Variants in SETBP1 observed in about 807,000 individuals in gnomAD.
SETBP1 encodes SET-binding protein.
In SETBP1, 9 loss-of-function variants were observed where a neutral mutation model predicts 101.0. The observed-to-expected ratio is 0.09, with a 90% CI of 0.05 to 0.16. The LOEUF (loss-of-function observed/expected upper bound fraction) is 0.16. Ranked by LOEUF, SETBP1 falls within the 10% of genes least tolerant of loss-of-function variation. The pLI, the probability that SETBP1 is intolerant of heterozygous loss-of-function variation, is 1.00. For missense variants in SETBP1, 1,858 were observed against 2,033.8 expected, an observed-to-expected ratio of 0.91 and a Z score of 1.66; for synonymous variants, 818 against 788.5, an observed-to-expected ratio of 1.04 and a Z score of -0.63.
In SETBP1 at chr18:44,980,721, A is replaced by G. The variant is rs551255749; in HGVS notation, c.4000+27381A>G. 2.6e-5 allele frequency among the ~76,000 whole-genome samples: 4 copies of G among 152,294 alleles called. No homozygotes were observed. The East Asian group carries it at 7.7e-4, about 29-fold the overall frequency. ...GGTGCAGGCCTCCAGCAGGAAGACA[A>G]GAGCCCATCCCTGCTGCCAGTTTCA... On this transcript the variant is annotated intron_variant, in intron 4 of 5. Coordinates refer to ENST00000649279, the MANE Select transcript of SETBP1 (RefSeq NM_015559.3).
chr18:44,950,538 G>T lies in SETBP1; in HGVS notation c.1198G>T (p.Val400Phe). Reference protein sequence around the residue: ...ASNPENDSSHVRITIPIKAPS... With the variant: ...ASNPENDSSHFRITIPIKAPS... ...TAATCCTGAAAATGACTCAAGTCAT[G>T]TCCGGATTACTATCCCCATCAAGGC... Residue 400 changes from valine to phenylalanine, a missense_variant, in exon 4 of 6, where the codon GTC (valine) becomes TTC (phenylalanine). By Grantham distance (50) the Val-to-Phe change is conservative. This residue lies in a region of SETBP1 where 581 missense variants were observed against 535.1 expected (regional missense o/e 1.09). Coordinates refer to ENST00000649279, the MANE Select transcript of SETBP1 (RefSeq NM_015559.3). 6.2e-7 allele frequency: 1 copy of T among 1,614,060 alleles called. No individual in the cohort carries two copies. The highest frequency in any genetic ancestry group is 8.5e-7 in the Non-Finnish European group (1 of 1,180,030).
At chr18:44,937,454 C>CAAAAAAAAAAAAAAAAAAAAAAAA (rs34414710) in intron 3 of SETBP1, among the ~76,000 whole-genome samples, 1 of 83,394 alleles carries the variant, frequency 1.2e-5, no homozygotes, top group African/African-American at 4.8e-5. Context: ...GACTCCGTCT[C>CAAAAAAAAAAAAAAAAAAAAAAAA]AAAAAAAAAA....
chr18:45,063,438 G>A lies in SETBP1; in HGVS notation c.4531G>A (p.Ala1511Thr). ...SQDTIMATIE[A>T]VIHMAREAPP... is the part of the protein sequence containing the mutation. The stretch of plus-strand genomic sequence containing the variant: ...AGACACCATCATGGCCACCATCGAG[G>A]CGGTCATCCACATGGCCCGGGAGGC... Residue 1511 changes from alanine (A) to threonine (T), a missense_variant, in exon 6 of 6, where the codon GCG (alanine) becomes ACG (threonine). By Grantham distance (58) the Ala-to-Thr change is moderately conservative (BLOSUM62 0). This residue lies in a region of SETBP1 where 178 missense variants were observed against 189.1 expected (regional missense o/e 0.94). Coordinates refer to ENST00000649279, the MANE Select transcript of SETBP1 (RefSeq NM_015559.3). The A allele has an allele frequency of 1.3e-6, 2 of 1,500,330 alleles. No homozygotes were observed. Among genetic ancestry groups the A allele is most frequent in the Non-Finnish European group, 1.8e-6 (2 of 1,125,006 alleles). The allele number at this position is 1,500,330 out of a possible 1,614,324, so 92.9% of individuals were successfully genotyped here.
chr18:44,763,364 G>A (rs1273901031), intron 2 of SETBP1, among the ~76,000 whole-genome samples: 6 of 152,296 alleles, frequency 3.9e-5, no homozygotes, highest in Admixed American at 3.3e-4. Flanking sequence ...ATTCAAATTC[G>A]TGTCCCGGTG....
intron 2 of SETBP1, among the ~76,000 whole-genome samples, chr18:44,861,214 T>G: frequency 6.7e-6 from 1 of 149,426 alleles, no homozygotes; most frequent in African/African-American, 2.5e-5. Flanking sequence ...GTCTTGTGGA[T>G]TTCCTTTTTC....
intron 3 of SETBP1, among the ~76,000 whole-genome samples, chr18:44,917,897 G>A (rs78263984): frequency 0.46 from 69,359 of 151,400 alleles, 16,266 homozygotes; most frequent in Middle Eastern, 0.51. Flanking sequence ...GGAAATAGAA[G>A]GGGAAAGGAA....
chr18:44,963,584 G>A (rs2071657888), intron 4 of SETBP1, among the ~76,000 whole-genome samples: 1 of 152,036 alleles, frequency 6.6e-6, no homozygotes, highest in South Asian at 2.1e-4. Context: ...TCAAAAACTT[G>A]CATTTTAAAA....
intron 3 of SETBP1, among the ~76,000 whole-genome samples, chr18:44,893,221 G>A (rs1747236817): frequency 6.6e-6 from 1 of 152,070 alleles, no homozygotes; most frequent in African/African-American, 2.4e-5. Flanking sequence ...AACAGATCCT[G>A]TCACCTCAAT....
At chr18:44,862,729 T>G (rs1486419332) in intron 2 of SETBP1, among the ~76,000 whole-genome samples, 1 of 152,202 alleles carries the variant, frequency 6.6e-6, no homozygotes, top group Non-Finnish European at 1.5e-5. Context: ...TCTGACCTTC[T>G]GATTATTAAT....
chr18:44,821,502 A>C (rs1260292585), intron 2 of SETBP1, among the ~76,000 whole-genome samples: 1 of 152,184 alleles, frequency 6.6e-6, no homozygotes, highest in Non-Finnish European at 1.5e-5. Context: ...CCCTGTGCAG[A>C]ATGGTCACTA....
At chr18:44,742,791 T>C (rs2070127790) in intron 2 of SETBP1, among the ~76,000 whole-genome samples, 1 of 152,188 alleles carries the variant, frequency 6.6e-6, no homozygotes, top group Non-Finnish European at 1.5e-5. Flanking sequence ...AGAGTTGATC[T>C]ATCTGAACAG....
chr18:44,696,049 G>A (rs1279209979), intron 1 of SETBP1, among the ~76,000 whole-genome samples: 1 of 152,126 alleles, frequency 6.6e-6, no homozygotes, highest in African/African-American at 2.4e-5. Flanking sequence ...TATGTGCATG[G>A]CACCTGGGCA....
At chr18:44,788,247 C>G (rs2071286899) in intron 2 of SETBP1, among the ~76,000 whole-genome samples, 1 of 152,150 alleles carries the variant, frequency 6.6e-6, no homozygotes, top group Non-Finnish European at 1.5e-5. Context: ...CCTTTCTGAA[C>G]TGCTTCCTGA....
intron 2 of SETBP1, among the ~76,000 whole-genome samples, chr18:44,840,428 G>C (rs927452380): frequency 6.6e-6 from 1 of 152,204 alleles, no homozygotes; most frequent in Non-Finnish European, 1.5e-5. Context: ...GCCAAGCATG[G>C]CCCACTTTTA....
chr18:44,754,110 C>T (rs2070443869), intron 2 of SETBP1, among the ~76,000 whole-genome samples: 1 of 152,218 alleles, frequency 6.6e-6, no homozygotes, highest in African/African-American at 2.4e-5. Context: ...GAGACAGCTT[C>T]CCCAGTATTT....
chr18:44,693,412 G>A (rs1385012063), intron 1 of SETBP1, among the ~76,000 whole-genome samples: 1 of 152,124 alleles, frequency 6.6e-6, no homozygotes, highest in Non-Finnish European at 1.5e-5. Flanking sequence ...ATTAATGTTA[G>A]GAAAGACAAG....
intron 3 of SETBP1, chr18:44,876,581 A>C: frequency 6.4e-7 from 1 of 1,550,846 alleles, no homozygotes; most frequent in Non-Finnish European, 8.7e-7. Context: ...GACTCCAGTA[A>C]GGAGGAAGTC....
chr18:44,761,091 G>T (rs2144587556), intron 2 of SETBP1, among the ~76,000 whole-genome samples: 1 of 152,150 alleles, frequency 6.6e-6, no homozygotes, highest in Admixed American at 6.5e-5. Context: ...AATCAGCCGT[G>T]CTACTTTATT....
chr18:45,028,990 T>G (rs909643929), intron 4 of SETBP1, among the ~76,000 whole-genome samples: 5 of 152,250 alleles, frequency 3.3e-5, no homozygotes, highest in African/African-American at 1.2e-4. Flanking sequence ...TAGTTTCTTC[T>G]GCTGTGCAAA....
Sources: allele counts gnomAD v4.1 joint callset (sites outside exome capture counted in the v4.1 genomes callset), GRCh38; gene constraint gnomAD v4.1.1; regional missense constraint gnomAD v4.1.1; transcripts MANE v1.5; gene names NCBI Gene and HGNC (gene_info 2026-07-23, HGNC 2026-07-21).